MCC: variants seen among roughly 807,000 people sequenced by gnomAD.
MCC encodes the protein MCC regulator of Wnt signaling pathway, also known as colorectal mutant cancer protein.
A neutral mutation model predicts 116.2 loss-of-function variants in MCC; 90 were observed. The observed-to-expected ratio is 0.77, with a 90% confidence interval of 0.65 to 0.92. The LOEUF is 0.92. MCC is among the 40% of genes least tolerant of loss of function. The pLI is 0.00. For synonymous variants in MCC, 578 were observed against 510.5 expected (o/e 1.13, Z -1.78); for missense variants, 1,516 against 1,312.2 (o/e 1.16, Z -2.40).
chr5:113,105,566 G>A (rs2150257468), intron 6 of MCC, among the ~76,000 whole-genome samples: 1 of 152,248 alleles, frequency 6.6e-6, no homozygotes, highest in Non-Finnish European at 1.5e-5. Context: ...TATCCACCCA[G>A]TTACTCAGGT....
chr5:113,045,739 C>A (rs1488898066), intron 16 of MCC, among the ~76,000 whole-genome samples: 1 of 149,814 alleles, frequency 6.7e-6, no homozygotes, highest in African/African-American at 2.5e-5. Context: ...GTGGAGGCTG[C>A]TGTGAGCTGA....
intron 3 of MCC, among the ~76,000 whole-genome samples, chr5:113,302,073 G>C (rs928327037): frequency 2.0e-5 from 3 of 152,150 alleles, no homozygotes; most frequent in Non-Finnish European, 4.4e-5. Flanking sequence ...AATAAATTAA[G>C]AATTGACAAA....
intron 8 of MCC, among the ~76,000 whole-genome samples, chr5:113,091,034 C>T (rs1458501815): frequency 6.6e-6 from 1 of 152,192 alleles, no homozygotes; most frequent in East Asian, 1.9e-4. Context: ...AGTCTAGCTG[C>T]TTGAGCTGAT....
chr5:113,160,076 C>T (rs1373102390), intron 3 of MCC, among the ~76,000 whole-genome samples: 4 of 152,116 alleles, frequency 2.6e-5, no homozygotes, highest in Admixed American at 6.5e-5. Context: ...CCTTCAACAC[C>T]GCAGCAGTGG....
chr5:113,077,367 C>G (rs1358115450), intron 11 of MCC, among the ~76,000 whole-genome samples: 2 of 152,150 alleles, frequency 1.3e-5, no homozygotes, highest in East Asian at 1.9e-4. Flanking sequence ...TTCTCAGCAC[C>G]ACATCACACT....
chr5:113,458,389 G>A (rs957866914), intron 1 of MCC, among the ~76,000 whole-genome samples: 5 of 151,244 alleles, frequency 3.3e-5, no homozygotes, highest in Admixed American at 6.6e-5. Flanking sequence ...CTGAGCCAGC[G>A]GGACCACGAA....
At chr5:113,394,965 G>C (rs180994547) in intron 1 of MCC, among the ~76,000 whole-genome samples, 247 of 152,234 alleles carry the variant, frequency 1.6e-3, no homozygotes, top group Admixed American at 2.4e-3. Flanking sequence ...TTGAATCATT[G>C]TGACAGAGAC....
At chr5:113,435,090 G>A in intron 1 of MCC, 1 of 483,374 alleles carries the variant, frequency 2.1e-6, no homozygotes, top group Non-Finnish European at 3.8e-6. Flanking sequence ...CTTGGACTTG[G>A]AATCCTGGAA....
Position 113,339,999 on chromosome 5 carries a change from A to T in MCC, c.627+520T>A, listed in dbSNP as rs1027917724. On this transcript the variant is annotated intron_variant, in intron 3 of 18. Transcript: ENST00000408903. ...GAGAAGACAATAGCTCTTTGCCCAA[A>T]GGTCGCTTTGTAGTGACTCACCTTG... 3.3e-5 allele frequency among the ~76,000 whole-genome samples: 5 copies of T among 152,248 alleles called. No homozygotes were observed. The South Asian group carries it at 1.0e-3, about 31-fold the overall frequency.
intron 2 of MCC, among the ~76,000 whole-genome samples, chr5:113,342,830 A>T (rs897081540): frequency 3.9e-5 from 6 of 152,180 alleles, no homozygotes; most frequent in Admixed American, 3.9e-4. Flanking sequence ...ATAAGGTGAG[A>T]CATTTCCTAA....
intron 1 of MCC, among the ~76,000 whole-genome samples, chr5:113,450,622 G>A (rs956955887): frequency 6.6e-6 from 1 of 152,216 alleles, no homozygotes; most frequent in African/African-American, 2.4e-5. Context: ...AGAAATGCTT[G>A]TGAGGTATTT....
intron 3 of MCC, among the ~76,000 whole-genome samples, chr5:113,181,044 C>T (rs755514652): frequency 3.9e-5 from 6 of 152,156 alleles, no homozygotes; most frequent in Admixed American, 3.3e-4. Flanking sequence ...TTGCAATGCC[C>T]TAAAAACCTA....
chr5:113,456,620 CT>C (rs773672510), intron 1 of MCC, among the ~76,000 whole-genome samples: 1 of 84,102 alleles, frequency 1.2e-5, no homozygotes, highest in Non-Finnish European at 2.1e-5. Context: ...CCATGCCCAG[CT>C]AATTTTTTTT....
At chr5:113,184,796 G>A (rs2150310778) in intron 3 of MCC, among the ~76,000 whole-genome samples, 1 of 152,286 alleles carries the variant, frequency 6.6e-6, no homozygotes, top group African/African-American at 2.4e-5. Context: ...ATGGAGGTAT[G>A]TTAGAAGGCT....
intron 14 of MCC, among the ~76,000 whole-genome samples, chr5:113,061,071 A>G (rs546956937): frequency 3.0e-4 from 45 of 152,332 alleles, no homozygotes; most frequent in African/African-American, 1.1e-3. Context: ...AGACTAGTTC[A>G]AAGAGTGAGA....
chr5:113,178,297 G>A (rs1241781358), intron 3 of MCC, among the ~76,000 whole-genome samples: 1 of 152,224 alleles, frequency 6.6e-6, no homozygotes, highest in African/African-American at 2.4e-5. Flanking sequence ...GTAGCTCTGA[G>A]CATGCAGCAG....
chr5:113,137,449 T>C (rs767096999), intron 5 of MCC, among the ~76,000 whole-genome samples: 3 of 152,186 alleles, frequency 2.0e-5, no homozygotes. Flanking sequence ...TCTACTGAAA[T>C]CATCATGTTT....
chr5:113,216,104 G>A (rs980347299), intron 3 of MCC, among the ~76,000 whole-genome samples: 3 of 152,168 alleles, frequency 2.0e-5, no homozygotes, highest in African/African-American at 7.2e-5. Context: ...ACATAGGTAT[G>A]CCCCCTTTAT....
intron 1 of MCC, among the ~76,000 whole-genome samples, chr5:113,484,641 A>G (rs1772464971): frequency 6.6e-6 from 1 of 152,226 alleles, no homozygotes; most frequent in African/African-American, 2.4e-5. Flanking sequence ...CTATTTTGAT[A>G]TAGTGGTCAG....
Sources: gnomAD v4.1 joint callset for allele counts (sites outside exome capture counted in the v4.1 genomes callset) on GRCh38, gnomAD v4.1.1 for gene constraint, MANE v1.5 for transcripts, NCBI Gene and HGNC (gene_info 2026-07-23, HGNC 2026-07-21) for gene names.